Variants in LAMA3 observed in about 807,000 individuals in gnomAD.
LAMA3 encodes the protein laminin subunit alpha 3, also known as laminin subunit alpha-3.
In LAMA3, 281 loss-of-function variants were observed where a neutral mutation model predicts 402.0. That is an observed-to-expected ratio of 0.70 (90% CI 0.63 to 0.77). LAMA3 has a LOEUF of 0.77. Among genes scored for constraint, LAMA3 ranks in the 30% least tolerant of loss-of-function variants. LAMA3 has a pLI of 0.00. For missense variants in LAMA3, 3,840 were observed against 4,215.5 expected, an observed-to-expected ratio of 0.91 and a Z score of 2.47; for synonymous variants, 1,431 against 1,558.4, an observed-to-expected ratio of 0.92 and a Z score of 1.93.
chr18:23,898,073 A>G (rs754096721), intron 44 of LAMA3, among the ~76,000 whole-genome samples: 48 of 152,114 alleles, frequency 3.2e-4, no homozygotes, highest in Admixed American at 3.9e-4. Context: ...ATATATTAAT[A>G]CTTTTTCCAA....
intron 12 of LAMA3, among the ~76,000 whole-genome samples, chr18:23,795,057 C>T (rs1261393554): frequency 6.6e-6 from 1 of 152,220 alleles, no homozygotes; most frequent in Non-Finnish European, 1.5e-5. Context: ...TCCCCACCCC[C>T]ACAACCTCTG....
At chr18:23,903,827 T>G (rs927078476) in intron 49 of LAMA3, 106 bp from the exon 50 acceptor site, 2 of 928,298 alleles carry the variant, frequency 2.2e-6, no homozygotes, top group Admixed American at 3.7e-5. Context: ...AAATATAACA[T>G]CTCATTGTTG....
chr18:23,719,910 G>T (rs773239003), intron 2 of LAMA3, among the ~76,000 whole-genome samples: 4 of 152,178 alleles, frequency 2.6e-5, no homozygotes, highest in African/African-American at 4.8e-5. Flanking sequence ...AAGGTGGATG[G>T]CTCTTGGTTT....
intron 35 of LAMA3, 76 bp from the exon 36 acceptor site, chr18:23,864,709 G>C (rs2064309815): frequency 2.1e-6 from 2 of 943,184 alleles, no homozygotes; most frequent in Non-Finnish European, 3.5e-6. Context: ...GTGTGCCTAA[G>C]TGCTTTTCAT....
At chr18:23,758,600 G>C in intron 7 of LAMA3, 89 bp downstream of exon 7, 1 of 982,048 alleles carries the variant, frequency 1.0e-6, no homozygotes, top group Non-Finnish European at 1.6e-6. Context: ...CTAGAGAAGA[G>C]GCTGTGGTCA....
At chr18:23,863,810 G>A (rs144159908) in intron 35 of LAMA3, among the ~76,000 whole-genome samples, 17 of 152,290 alleles carry the variant, frequency 1.1e-4, no homozygotes, top group African/African-American at 4.1e-4. Context: ...CTTCCTTCTT[G>A]ATTGTGTTTT....
intron 41 of LAMA3, among the ~76,000 whole-genome samples, chr18:23,888,858 TGG>T (rs1188864349): frequency 1.3e-5 from 2 of 151,450 alleles, no homozygotes; most frequent in Admixed American, 1.3e-4. Flanking sequence ...GGTGACTGGA[TGG>T]GGAGTGGAAC....
intron 30 of LAMA3, among the ~76,000 whole-genome samples, chr18:23,845,408 C>T (rs2063792872): frequency 6.6e-6 from 1 of 152,240 alleles, no homozygotes; most frequent in Admixed American, 6.5e-5. Flanking sequence ...GTTTCCTTCC[C>T]TCTCCACTGT....
intron 12 of LAMA3, among the ~76,000 whole-genome samples, chr18:23,804,125 G>A (rs998954041): frequency 6.6e-6 from 1 of 152,158 alleles, no homozygotes; most frequent in Non-Finnish European, 1.5e-5. Flanking sequence ...AGTAGAAAGT[G>A]AAAAGCTGTT....
intron 40 of LAMA3, among the ~76,000 whole-genome samples, chr18:23,884,410 T>A (rs1376818929): frequency 6.6e-6 from 1 of 152,046 alleles, no homozygotes; most frequent in African/African-American, 2.4e-5. Context: ...ATCAGAACTC[T>A]CTGTTCTTTT....
chr18:23,813,011 A>G (rs1200933077), intron 13 of LAMA3, 46 bp from the exon 14 acceptor site: 2 of 1,332,964 alleles, frequency 1.5e-6, no homozygotes, highest in Non-Finnish European at 2.2e-6. Context: ...AAACAAAGAG[A>G]AAAACAAACT....
chr18:23,828,838 T>C (rs1051351997), intron 23 of LAMA3, among the ~76,000 whole-genome samples: 26 of 152,248 alleles, frequency 1.7e-4, no homozygotes, highest in Admixed American at 6.5e-4. Flanking sequence ...AACTTTTCAA[T>C]TGGCTCTTTA....
Position 23,914,427 on chromosome 18 carries a change from C to G in LAMA3, c.7347C>G (p.Ile2449Met). The G allele has an allele frequency of 6.2e-7, 1 of 1,614,148 alleles. No individual in the cohort carries two copies. The highest frequency in any genetic ancestry group is 8.5e-7 in the Non-Finnish European group (1 of 1,180,020). ...GTCTCCAGGCCTCCCGGGACTACAT[C>G]GGCATGGCAGTTGTGGATGGCCAGC... ...LGNKDASRDY[I>M]GMAVVDGQLT... is the part of the protein sequence containing the mutation. Residue 2449 changes from isoleucine to methionine, a missense_variant, in exon 57 of 75, where the codon ATC becomes ATG. This residue lies in a region of LAMA3 where 891 missense variants were observed against 857.5 expected (regional missense o/e 1.04). Transcript: ENST00000313654.
chr18:23,807,905 A>G (rs1022323954), intron 12 of LAMA3, among the ~76,000 whole-genome samples: 6 of 152,220 alleles, frequency 3.9e-5, no homozygotes, highest in African/African-American at 1.2e-4. Context: ...GAATTCTACC[A>G]CTAGGTAGAG....
intron 69 of LAMA3, 53 bp from the exon 70 acceptor site, chr18:23,946,091 A>G (rs2082699883): frequency 1.3e-6 from 2 of 1,552,940 alleles, no homozygotes; most frequent in Middle Eastern, 3.4e-4. Context: ...ATAAAATACA[A>G]CACCAATTGT....
At chr18:23,926,992 TGAG>T (rs2082021511) in intron 62 of LAMA3, among the ~76,000 whole-genome samples, 1 of 152,178 alleles carries the variant, frequency 6.6e-6, no homozygotes, top group African/African-American at 2.4e-5. Context: ...ATTGTCTAAA[TGAG>T]GAAACAGGCA....
At chr18:23,710,301 C>T (rs1332157446) in intron 1 of LAMA3, 8 of 489,920 alleles carry the variant, frequency 1.6e-5, no homozygotes, top group Non-Finnish European at 3.0e-5. Flanking sequence ...GTGAAAAGAC[C>T]GCAAGTTTGA....
In LAMA3 at chr18:23,907,888, C is replaced by A; in HGVS notation, c.6968C>A (p.Thr2323Lys). The A allele has an allele frequency of 6.2e-7, 1 of 1,614,072 alleles. No individual in the cohort carries two copies. The highest frequency in any genetic ancestry group is 8.5e-7 in the Non-Finnish European group (1 of 1,180,014). ...AGAATTAAGGACACCTATGGGAGGACACAGAACGAAGACTTCAAAAAGGCT... is the reference window on the plus strand; with the variant it reads ...AGAATTAAGGACACCTATGGGAGGAAACAGAACGAAGACTTCAAAAAGGCT... ...VERIKDTYGRTQNEDFKKALT... is the reference protein window; with the variant it reads ...VERIKDTYGRKQNEDFKKALT... Residue 2323 changes from threonine (T) to lysine (K), a missense_variant, in exon 54 of 75, where the codon ACA becomes AAA. Physicochemically the swap from Thr to Lys is moderately conservative, Grantham distance 78. Transcript: ENST00000313654.
At chr18:23,762,084 C>A (rs1017402487) in intron 7 of LAMA3, among the ~76,000 whole-genome samples, 1 of 152,074 alleles carries the variant, frequency 6.6e-6, no homozygotes, top group Non-Finnish European at 1.5e-5. Context: ...GTCATGATGG[C>A]ACGTGTCTGT....
Sources: allele counts gnomAD v4.1 joint callset (sites outside exome capture counted in the v4.1 genomes callset), GRCh38; gene constraint gnomAD v4.1.1; regional missense constraint gnomAD v4.1.1; transcripts MANE v1.5; gene names NCBI Gene and HGNC (gene_info 2026-07-23, HGNC 2026-07-21).